Variants in LGI1 observed in about 807,000 individuals in gnomAD.
LGI1 encodes the protein leucine rich glioma inactivated 1.
A neutral mutation model predicts 57.7 loss-of-function variants in LGI1; 11 were observed. The ratio of observed to expected loss-of-function variants is 0.19; its 90% CI spans 0.12 to 0.32. The LOEUF is 0.32. LGI1 is among the 10% of genes least tolerant of loss of function. The pLI is 1.00. For synonymous variants in LGI1, 222 were observed against 241.9 expected, an observed-to-expected ratio of 0.92 and a Z score of 0.76; for missense variants, 422 against 661.9, an observed-to-expected ratio of 0.64 and a Z score of 3.98.
At chr10:93,796,741 T>C (rs2059983190) in intron 7 of LGI1, among the ~76,000 whole-genome samples, 1 of 152,180 alleles carries the variant, frequency 6.6e-6, no homozygotes, top group African/African-American at 2.4e-5. Context: ...AGGCTAGATA[T>C]GACATTAACA....
intron 2 of LGI1, chr10:93,777,168 G>A (rs1310224337): frequency 1.6e-6 from 1 of 619,560 alleles, no homozygotes; most frequent in Non-Finnish European, 2.9e-6. Flanking sequence ...GAGGAATCGG[G>A]CACCAGGCAC....
Position 93,785,753 on chromosome 10 carries a change from C to T in LGI1, c.432-4346C>T, listed in dbSNP as rs1214811396. Among the ~76,000 whole-genome samples, 6 of 17,242 alleles carry T rather than the reference C, an allele frequency of 3.5e-4. 1 individual carries two copies. Among genetic ancestry groups the T allele is most frequent in the African/African-American group, 3.6e-4 (6 of 16,544 alleles). The allele number at this position is 17,242 out of a possible 152,430, so 11.3% of individuals were successfully genotyped here. A position where few individuals can be genotyped will look rare whatever the true frequency, so the allele number is the denominator to read the frequency against. ...TGCTTTCTGGTAGCAAAACTCGGTGCAGAGGTGGAATCTGAAGAATCAAAT... is the reference window on the plus strand; with the variant it reads ...TGCTTTCTGGTAGCAAAACTCGGTGTAGAGGTGGAATCTGAAGAATCAAAT... On this transcript the variant is annotated intron_variant, in intron 4 of 7. Transcript: ENST00000371418.
At chr10:93,761,588 A>G (rs971257018) in intron 2 of LGI1, among the ~76,000 whole-genome samples, 12 of 152,182 alleles carry the variant, frequency 7.9e-5, no homozygotes, top group Non-Finnish European at 1.8e-4. Flanking sequence ...ACTGAGGAAA[A>G]TAGACATGGT....
chr10:93,784,285 A>G (rs1322449996), intron 4 of LGI1, among the ~76,000 whole-genome samples: 1 of 152,146 alleles, frequency 6.6e-6, no homozygotes, highest in Non-Finnish European at 1.5e-5. Flanking sequence ...CCTGTTGTCA[A>G]ACTCACTGAC....
At chr10:93,781,868 AT>A (rs1180737724) in intron 4 of LGI1, among the ~76,000 whole-genome samples, 3 of 152,216 alleles carry the variant, frequency 2.0e-5, no homozygotes, top group Non-Finnish European at 4.4e-5. Flanking sequence ...ATATATAAAT[AT>A]TTGGAGAAAA....
chr10:93,758,856 AT>A lies in LGI1; in HGVS notation c.287+30del. On this transcript the variant is annotated intron_variant, in intron 2 of 7. Coordinates refer to ENST00000371418, the MANE Select transcript of LGI1 (RefSeq NM_005097.4). This position sits in a 1 kb window ranked among gnomAD's most constrained non-coding sequence, Gnocchi z 4.7. ...TGTGAGAAATATTTATATCATGACT[AT>A]TTTTAATATGGCATATATTTGGATA... The A allele has an allele frequency of 6.7e-7, 1 of 1,481,580 alleles. No homozygotes were observed. The highest frequency in any genetic ancestry group is 9.4e-7 in the Non-Finnish European group (1 of 1,060,100). 91.8% of individuals were successfully genotyped at this position (1,481,580 alleles called of 1,614,324 possible).
intron 5 of LGI1, chr10:93,791,119 A>G (rs1451666379): frequency 6.6e-6 from 1 of 152,220 alleles, no homozygotes; most frequent in Non-Finnish European, 1.5e-5. Flanking sequence ...TCCTTGCAGT[A>G]TTTCCCCAGC....
At chr10:93,790,835 T>C (rs1482055010) in intron 5 of LGI1, 1 of 152,348 alleles carries the variant, frequency 6.6e-6, no homozygotes, top group Non-Finnish European at 1.5e-5. Context: ...AAGTAATATA[T>C]GCCTAAACTT....
intron 2 of LGI1, chr10:93,771,056 A>G (rs1181994095): frequency 6.6e-6 from 1 of 152,180 alleles, no homozygotes; most frequent in East Asian, 1.9e-4. Context: ...CAGTGGGAAT[A>G]AAAAAATAAA....
At chr10:93,795,729 C>T (rs192647367) in intron 7 of LGI1, among the ~76,000 whole-genome samples, 15 of 152,290 alleles carry the variant, frequency 9.8e-5, no homozygotes, top group Middle Eastern at 6.8e-3. Flanking sequence ...GACAATCACA[C>T]GCAATGAGCC....
rs141716643 is a variant in LGI1 at position 93,790,356 on chromosome 10, T to C, written c.503+186T>C. On this transcript the variant is annotated intron_variant, in intron 5 of 7. Coordinates refer to ENST00000371418, the MANE Select transcript of LGI1 (RefSeq NM_005097.4). ...ACATTTGAGTCTTCTATGGTATTTA[T>C]CATTGGGAATTCTGAATACATGGCA... is the stretch of plus-strand genomic sequence containing the variant. 5.0e-6 allele frequency: 3 copies of C among 595,658 alleles called. No individual in the cohort carries two copies. In the East Asian group the frequency reaches 8.5e-5, roughly 17 times the overall value. The allele number at this position is 595,658 out of a possible 1,614,324, so 36.9% of individuals were successfully genotyped here. A position where few individuals can be genotyped will look rare whatever the true frequency, so the allele number is the denominator to read the frequency against.
At chr10:93,792,175 T>C (rs961865467) in intron 5 of LGI1, 1 of 152,616 alleles carries the variant, frequency 6.6e-6, no homozygotes, top group Admixed American at 6.5e-5. Flanking sequence ...ACCTATTTTT[T>C]TCAATTATGA....
intron 2 of LGI1, chr10:93,765,014 C>T (rs1273135347): frequency 6.6e-6 from 1 of 152,186 alleles, no homozygotes; most frequent in Non-Finnish European, 1.5e-5. Flanking sequence ...CCTCTCCTTT[C>T]TTCCTCATGA....
intron 4 of LGI1, among the ~76,000 whole-genome samples, chr10:93,781,979 G>A (rs2059851387): frequency 1.3e-5 from 2 of 152,202 alleles, no homozygotes; most frequent in African/African-American, 2.4e-5. Context: ...GGATGCTTGT[G>A]TGTTCCCAAT....
At chr10:93,787,247 A>G (rs938994645) in intron 4 of LGI1, among the ~76,000 whole-genome samples, 6 of 152,194 alleles carry the variant, frequency 3.9e-5, no homozygotes, top group Non-Finnish European at 8.8e-5. Context: ...GTAGCGGAGC[A>G]TCAGAGGGTT....
intron 2 of LGI1, among the ~76,000 whole-genome samples, chr10:93,766,510 C>CTATTTTTTTTTTTTT (rs1564840561): frequency 2.3e-4 from 4 of 17,560 alleles, no homozygotes; most frequent in African/African-American, 1.9e-3. Flanking sequence ...TTTTATAGAT[C>CTATTTTTTTTTTTTT]TCTTTTTTTT....
chr10:93,796,596 T>C (rs1164566848), intron 7 of LGI1, among the ~76,000 whole-genome samples: 3 of 152,202 alleles, frequency 2.0e-5, no homozygotes, highest in Admixed American at 6.5e-5. Context: ...AAGCACATAA[T>C]AGATGCTCAG....
intron 4 of LGI1, among the ~76,000 whole-genome samples, chr10:93,782,361 A>G (rs1429450735): frequency 6.6e-6 from 1 of 152,222 alleles, no homozygotes; most frequent in Non-Finnish European, 1.5e-5. Flanking sequence ...GGGATGGGGA[A>G]TAACAAGGCA....
chr10:93,793,925 A>C (rs1005285228), intron 7 of LGI1: 4 of 152,202 alleles, frequency 2.6e-5, no homozygotes, highest in Admixed American at 6.5e-5. Context: ...GGATCTGAGA[A>C]GTCCTGCAGT....
Sources: allele counts gnomAD v4.1 joint callset (sites outside exome capture counted in the v4.1 genomes callset), GRCh38; gene constraint gnomAD v4.1.1; non-coding constraint Gnocchi (gnomAD v3.1); transcripts MANE v1.5; gene names NCBI Gene and HGNC (gene_info 2026-07-23, HGNC 2026-07-21).